Variants in NMNAT3 observed in about 807,000 individuals in gnomAD.
NMNAT3 encodes nicotinamide/nicotinic acid mononucleotide adenylyltransferase 3.
A neutral mutation model predicts 24.8 loss-of-function variants in NMNAT3; 21 were observed. The ratio of observed to expected loss-of-function variants is 0.85; its 90% CI spans 0.60 to 1.22. The LOEUF is 1.22. Ranked by LOEUF, NMNAT3 falls within the 50% of genes most tolerant of loss-of-function variation. The pLI is 0.00. For missense variants in NMNAT3, 387 were observed against 436.6 expected (o/e 0.89, Z 1.01); for synonymous variants, 136 against 155.2 (o/e 0.88, Z 0.92).
chr3:139,612,825 T>C, intron 3 of NMNAT3, among the ~76,000 whole-genome samples: 1 of 152,092 alleles, frequency 6.6e-6, no homozygotes. Flanking sequence ...TCAGAAATAA[T>C]GCCACATATC....
intron 3 of NMNAT3, among the ~76,000 whole-genome samples, chr3:139,617,539 T>G (rs9873488): frequency 0.54 from 82,409 of 152,036 alleles, 22,483 homozygotes; most frequent in Admixed American, 0.62. Context: ...GTTCATGTAA[T>G]GCACTTAGAG....
At chr3:139,665,484 G>A (rs1229573129) in intron 1 of NMNAT3, among the ~76,000 whole-genome samples, 6 of 152,186 alleles carry the variant, frequency 3.9e-5, no homozygotes, top group African/African-American at 1.4e-4. Flanking sequence ...TCTGATGAAA[G>A]GAGACATGGT....
intron 1 of NMNAT3, among the ~76,000 whole-genome samples, chr3:139,659,353 T>A (rs1024602911): frequency 2.0e-5 from 3 of 152,172 alleles, no homozygotes; most frequent in Non-Finnish European, 4.4e-5. Context: ...TTATCACCTT[T>A]GTGATAGAAG....
chr3:139,617,040 C>G (rs2055539105), intron 3 of NMNAT3, among the ~76,000 whole-genome samples: 1 of 152,186 alleles, frequency 6.6e-6, no homozygotes, highest in Non-Finnish European at 1.5e-5. Context: ...TCCCCTGACT[C>G]CAGCGAACTT....
At chr3:139,564,881 A>G (rs1325626388) in intron 6 of NMNAT3, among the ~76,000 whole-genome samples, 3 of 152,234 alleles carry the variant, frequency 2.0e-5, no homozygotes. Flanking sequence ...ATGTATGGAA[A>G]ATATGTAAGT....
At chr3:139,624,191 G>A (rs142149667) in intron 3 of NMNAT3, among the ~76,000 whole-genome samples, 56 of 151,858 alleles carry the variant, frequency 3.7e-4, no homozygotes, top group African/African-American at 1.2e-3. Context: ...ATAATATTTC[G>A]TGCTATAAAA....
chr3:139,595,364 A>G (rs1040993150), intron 3 of NMNAT3, among the ~76,000 whole-genome samples: 1 of 152,246 alleles, frequency 6.6e-6, no homozygotes, highest in African/African-American at 2.4e-5. Flanking sequence ...AAGAATCAAT[A>G]TCGCGAAAAT....
chr3:139,585,125 T>C (rs1299668641), intron 3 of NMNAT3, among the ~76,000 whole-genome samples: 1 of 152,206 alleles, frequency 6.6e-6, no homozygotes, highest in Non-Finnish European at 1.5e-5. Context: ...TATTTCTATA[T>C]CCTTGCTGAT....
At chr3:139,585,824 G>T (rs992113052) in intron 3 of NMNAT3, among the ~76,000 whole-genome samples, 2 of 152,164 alleles carry the variant, frequency 1.3e-5, no homozygotes, top group Admixed American at 1.3e-4. Flanking sequence ...AGGATTAGGG[G>T]GAAAAGGTGA....
rs976299645 is a variant in NMNAT3, at chr3:139,600,269, T to C, written c.110-17061A>G. Among the ~76,000 whole-genome samples the C allele has an allele frequency of 5.3e-5, 8 of 152,186 alleles. No homozygotes were observed. The South Asian group carries it at 1.0e-3, about 20-fold the overall frequency. ...TAAACAACAAAGCAGCAATATTTCA[T>C]AGGGTTTAAACTTCCCTTTGGTCCT... is the stretch of plus-strand genomic sequence containing the variant. On this transcript the variant is annotated intron_variant, in intron 3 of 6. Transcript: ENST00000643695.
intron 6 of NMNAT3, chr3:139,567,880 C>T (rs1318037869): frequency 6.6e-6 from 1 of 152,202 alleles, no homozygotes; most frequent in Non-Finnish European, 1.5e-5. Flanking sequence ...AGGATTCCCT[C>T]TTTTTCTATT....
chr3:139,571,869 G>T (rs1938419272), intron 6 of NMNAT3, among the ~76,000 whole-genome samples: 1 of 152,182 alleles, frequency 6.6e-6, no homozygotes. Flanking sequence ...GAGGATGGTG[G>T]CCTCAGTGTG....
At chr3:139,665,833 T>C (rs1262386608) in intron 1 of NMNAT3, among the ~76,000 whole-genome samples, 2 of 151,378 alleles carry the variant, frequency 1.3e-5, no homozygotes, top group Non-Finnish European at 2.9e-5. Flanking sequence ...ACAGAGAGTA[T>C]GAAATATTGT....
intron 3 of NMNAT3, among the ~76,000 whole-genome samples, chr3:139,588,763 T>A (rs984740578): frequency 3.3e-5 from 5 of 152,200 alleles, no homozygotes; most frequent in Non-Finnish European, 5.9e-5. Flanking sequence ...ACTTTCTGCC[T>A]GGGTTGGACC....
intron 1 of NMNAT3, among the ~76,000 whole-genome samples, chr3:139,641,684 G>T (rs1285539643): frequency 6.6e-6 from 1 of 152,178 alleles, no homozygotes; most frequent in Non-Finnish European, 1.5e-5. Flanking sequence ...ACCTGTATGT[G>T]CTGGACTCAA....
At chr3:139,676,324 C>T (rs143310226) in intron 1 of NMNAT3, among the ~76,000 whole-genome samples, 53 of 152,316 alleles carry the variant, frequency 3.5e-4, no homozygotes, top group African/African-American at 1.3e-3. Flanking sequence ...TTTCCTGAAA[C>T]CTAAAATGCT....
At chr3:139,582,639 CAAAA>C (rs58495559) in intron 4 of NMNAT3, among the ~76,000 whole-genome samples, 4 of 57,476 alleles carry the variant, frequency 7.0e-5, no homozygotes, top group African/African-American at 2.4e-4. Flanking sequence ...GGGACTGTCT[CAAAA>C]AAAAAAAAAA....
chr3:139,655,170 C>T (rs1217062161), intron 1 of NMNAT3, among the ~76,000 whole-genome samples: 1 of 152,226 alleles, frequency 6.6e-6, no homozygotes, highest in African/African-American at 2.4e-5. Flanking sequence ...GAGGCAGTAG[C>T]AGGGTCAACA....
At chr3:139,567,161 G>A (rs1462018575) in intron 6 of NMNAT3, 5 of 152,170 alleles carry the variant, frequency 3.3e-5, no homozygotes, top group Non-Finnish European at 5.9e-5. Context: ...TTGGCTGTTT[G>A]TCTGTTATTG....
Sources: gnomAD v4.1 joint callset for allele counts (sites outside exome capture counted in the v4.1 genomes callset) on GRCh38, gnomAD v4.1.1 for gene constraint, MANE v1.5 for transcripts, NCBI Gene and HGNC (gene_info 2026-07-23, HGNC 2026-07-21) for gene names.